The following GPR35 variants were observed in gnomAD, a reference collection of about 807,000 sequenced individuals.
The protein encoded by GPR35 is KYNA receptor.
For synonymous variants in GPR35, 207 were observed against 198.4 expected (o/e 1.04, Z -0.36); for missense variants, 372 against 422.5 (o/e 0.88, Z 1.05).
intron 1 of GPR35, among the ~76,000 whole-genome samples, chr2:240,606,156 C>T (rs2043132824): frequency 6.6e-6 from 1 of 152,204 alleles, no homozygotes; most frequent in African/African-American, 2.4e-5. Flanking sequence ...GCTGGGACCA[C>T]AACACTCACT....
At chr2:240,609,396 C>T (rs959449252) in intron 2 of GPR35, among the ~76,000 whole-genome samples, 19 of 152,086 alleles carry the variant, frequency 1.2e-4, no homozygotes, top group Admixed American at 1.0e-3. Flanking sequence ...TCACAAAGAC[C>T]GGAAAGTTGC....
At chr2:240,623,591 C>G (rs993941332), upstream of GPR35, among the ~76,000 whole-genome samples, 2 of 151,788 alleles carry the variant, frequency 1.3e-5, no homozygotes, top group South Asian at 4.1e-4. Context: ...TGGAGGGGCC[C>G]GGGCAAGGCC....
chr2:240,615,691 TTAAAA>T (rs2043230718), intron 2 of GPR35, among the ~76,000 whole-genome samples: 1 of 152,252 alleles, frequency 6.6e-6, no homozygotes, highest in African/African-American at 2.4e-5. Flanking sequence ...ATAAGGACTT[TTAAAA>T]ACACATGACC....
chr2:240,623,883 G>C (rs2043337163), upstream of GPR35, among the ~76,000 whole-genome samples: 1 of 152,204 alleles, frequency 6.6e-6, no homozygotes, highest in Non-Finnish European at 1.5e-5. Flanking sequence ...CAGTGTGTGA[G>C]GAGCACAGGT....
At chr2:240,626,793 T>C (rs1198603683) in intron 1 of GPR35, among the ~76,000 whole-genome samples, 2 of 152,028 alleles carry the variant, frequency 1.3e-5, no homozygotes, top group Admixed American at 1.3e-4. Flanking sequence ...TCAGCAGTGG[T>C]TGGGGCCTGT....
chr2:240,630,537 G>A lies in GPR35; in HGVS notation c.585G>A (p.Val195=). The A allele has an allele frequency of 1.9e-6, 3 of 1,612,914 alleles. No homozygotes were observed. The highest frequency in any genetic ancestry group is 2.5e-6 in the Non-Finnish European group (3 of 1,179,962). ...AVVVFCSLKV[V]TALAQRPPTD... ...TGGTCTTCTGCTCCCTGAAGGTGGTGACTGCCCTGGCCCAGAGGCCACCCA... is the reference window on the plus strand; with the variant it reads ...TGGTCTTCTGCTCCCTGAAGGTGGTAACTGCCCTGGCCCAGAGGCCACCCA... The change falls in exon 2 of 2, where the codon GTG becomes GTA. Residue 195 remains valine, a synonymous_variant. Coordinates refer to ENST00000407714, the MANE Select transcript of GPR35 (RefSeq NM_005301.5).
At chr2:240,620,050 G>A (rs2043276207) in intron 5 of GPR35, among the ~76,000 whole-genome samples, 2 of 152,198 alleles carry the variant, frequency 1.3e-5, no homozygotes, top group African/African-American at 2.4e-5. Flanking sequence ...GAAGGAGTCC[G>A]AGAGGGTGGC....
At chr2:240,622,040 T>A (rs74915756), upstream of GPR35, among the ~76,000 whole-genome samples, 365 of 81,018 alleles carry the variant, frequency 4.5e-3, 1 homozygote, top group Middle Eastern at 0.017. Flanking sequence ...GCGTGGCTGA[T>A]TTTTTTTTTT....
chr2:240,630,484 C>T lies in GPR35; in HGVS notation c.532C>T (p.Leu178=). The change falls in exon 2 of 2, where the codon CTG becomes TTG. Residue 178 remains leucine, a synonymous_variant. Transcript: ENST00000407714. The part of the protein sequence containing the change: ...HNFNSMAFPL[L]GFYLPLAVVV... The stretch of plus-strand genomic sequence containing the variant: ...TTTCAACTCCATGGCGTTCCCGCTG[C>T]TGGGATTCTACCTGCCCCTGGCCGT... The T allele has an allele frequency of 1.2e-6, 2 of 1,612,952 alleles. No individual in the cohort carries two copies. Among genetic ancestry groups the T allele is most frequent in the Non-Finnish European group, 1.7e-6 (2 of 1,179,972 alleles).
At chr2:240,622,818 C>G (rs769291708), upstream of GPR35, among the ~76,000 whole-genome samples, 8 of 152,096 alleles carry the variant, frequency 5.3e-5, no homozygotes, top group South Asian at 2.1e-4. Context: ...GGGGCAGCCT[C>G]GGAGAGGAAG....
chr2:240,629,843 G>A, intron 1 of GPR35, 106 bp from the exon 2 acceptor site: 1 of 962,280 alleles, frequency 1.0e-6, no homozygotes, highest in Non-Finnish European at 1.6e-6. Context: ...GTGGGGTCGG[G>A]GCTCACCTCC....
intron 4 of GPR35, among the ~76,000 whole-genome samples, chr2:240,617,992 A>G (rs1256309310): frequency 6.6e-6 from 1 of 152,184 alleles, no homozygotes; most frequent in African/African-American, 2.4e-5. Context: ...CTTAGAGACC[A>G]CAGTCTGGGT....
intron 1 of GPR35, among the ~76,000 whole-genome samples, chr2:240,625,938 G>A (rs1575468331): frequency 8.7e-6 from 1 of 114,418 alleles, no homozygotes; most frequent in South Asian, 4.3e-4. Flanking sequence ...GTGGGGTGAG[G>A]CTGTGATGGG....
In GPR35 at chr2:240,630,676, G is replaced by C. The variant is rs145963376; in HGVS notation, c.724G>C (p.Ala242Pro). Residue 242 changes from alanine to proline, a missense_variant, in exon 2 of 2, where the codon GCA becomes CCA. Ala to Pro is a conservative substitution (Grantham distance 27). Coordinates refer to ENST00000407714, the MANE Select transcript of GPR35 (RefSeq NM_005301.5). ...GCACGTGGGGCTGACAGTGCGCCTCGCAGTGGGCTGGAACGCCTGTGCCCT... is the reference window on the plus strand; with the variant it reads ...GCACGTGGGGCTGACAGTGCGCCTCCCAGTGGGCTGGAACGCCTGTGCCCT... ...PLHVGLTVRLAVGWNACALLE... is the reference protein window; with the variant it reads ...PLHVGLTVRLPVGWNACALLE... The C allele has an allele frequency of 6.2e-7, 1 of 1,613,174 alleles. No homozygotes were observed. Among genetic ancestry groups the C allele is most frequent in the Non-Finnish European group, 8.5e-7 (1 of 1,180,026 alleles).
In GPR35 at chr2:240,612,320, G is replaced by A. The variant is rs551712815; in HGVS notation, c.-576-4068G>A. Among the ~76,000 whole-genome samples, 29 of 151,260 alleles carry A rather than the reference G, an allele frequency of 1.9e-4. No homozygotes were observed. In the East Asian group the frequency reaches 2.9e-3, roughly 15 times the overall value. On this transcript the variant is annotated intron_variant, in intron 2 of 5. Coordinates refer to the GPR35 transcript ENST00000319838. Reference sequence around the variant, plus strand: ...CGGGCGCCTGTAGTCTCAGCTACTCGGGAGGCCGAGGCAGGAGAATGGCGT... The same window carrying A: ...CGGGCGCCTGTAGTCTCAGCTACTCAGGAGGCCGAGGCAGGAGAATGGCGT...
At chr2:240,629,862 C>T in intron 1 of GPR35, 87 bp from the exon 2 acceptor site, 1 of 1,189,510 alleles carries the variant, frequency 8.4e-7, no homozygotes, top group Non-Finnish European at 1.2e-6. Flanking sequence ...CCTCCCACAT[C>T]CCTGCCCAGA....
rs375159727 is a variant in GPR35 at position 240,630,326 on chromosome 2, G to T, written c.374G>T (p.Arg125Leu). The change falls in exon 2 of 2, where the codon CGC (arginine) becomes CTC (leucine). Residue 125 changes from arginine (R) to leucine (L), a missense_variant. Coordinates refer to ENST00000407714, the MANE Select transcript of GPR35 (RefSeq NM_005301.5). ...YVAVRHPLRARGLRSPRQAAA... is the reference protein window; with the variant it reads ...YVAVRHPLRALGLRSPRQAAA... ...GCCGTGCGGCACCCGCTGCGTGCCC[G>T]CGGGCTGCGGTCCCCCAGGCAGGCT... 25 of 1,593,130 alleles carry T rather than the reference G, an allele frequency of 1.6e-5. No homozygotes were observed. Among genetic ancestry groups the T allele is most frequent in the Admixed American group, 1.0e-4 (6 of 59,470 alleles).
chr2:240,620,466 G>A (rs1021435765), intron 5 of GPR35, among the ~76,000 whole-genome samples: 4 of 152,136 alleles, frequency 2.6e-5, no homozygotes, highest in African/African-American at 7.2e-5. Flanking sequence ...GAAGGGAGGC[G>A]TGGGCACGGG....
At chr2:240,616,454 C>T (rs773856976) in exon 3 of GPR35, 1 of 780,786 alleles carries the variant, frequency 1.3e-6, no homozygotes, top group Non-Finnish European at 2.4e-6. Flanking sequence ...GCTGGAGTTC[C>T]CATGCCTGCC....
Sources: allele counts gnomAD v4.1 joint callset (sites outside exome capture counted in the v4.1 genomes callset), GRCh38; gene constraint gnomAD v4.1.1; transcripts MANE v1.5; gene names NCBI Gene and HGNC (gene_info 2026-07-23, HGNC 2026-07-21).